The following ZNF608 variants were observed in gnomAD, a reference collection of about 807,000 sequenced individuals.
The protein encoded by ZNF608 is zinc finger protein 608.
A neutral mutation model predicts 109.0 loss-of-function variants in ZNF608; 12 were observed. The observed-to-expected ratio is 0.11, with a 90% CI of 0.07 to 0.18. ZNF608 has a LOEUF of 0.18. ZNF608 is among the 10% of genes least tolerant of loss of function. The pLI is 1.00. For synonymous variants in ZNF608, 732 were observed against 717.4 expected, an observed-to-expected ratio of 1.02 and a Z score of -0.33; for missense variants, 1,707 against 1,879.3, an observed-to-expected ratio of 0.91 and a Z score of 1.70.
intron 2 of ZNF608, among the ~76,000 whole-genome samples, chr5:124,730,181 G>C (rs1341344564): frequency 1.3e-5 from 2 of 152,158 alleles, no homozygotes; most frequent in Non-Finnish European, 2.9e-5. Flanking sequence ...ATGCACAAGT[G>C]ATTTGAAGAG....
intron 8 of ZNF608, among the ~76,000 whole-genome samples, chr5:124,640,242 T>C (rs1750175758): frequency 1.3e-5 from 2 of 152,246 alleles, no homozygotes; most frequent in Admixed American, 1.3e-4. Flanking sequence ...GACTAAATTA[T>C]GTCTCCTCAA....
In ZNF608 at chr5:124,646,887, T is replaced by C. The variant is rs1750533020; in HGVS notation, c.3497A>G (p.His1166Arg). The change falls in exon 5 of 10, where the codon CAT becomes CGT. Residue 1166 changes from histidine (H) to arginine (R), a missense_variant. Transcript: ENST00000513986. ...APSTPEPNKN[H>R]SKLGPSVPNK... is the part of the protein sequence containing the mutation. ...AGGCACTGATGGCCCTAGTTTAGAATGGTTTTTGTTAGGCTCCGGAGTAGA... is the reference window on the plus strand; with the variant it reads ...AGGCACTGATGGCCCTAGTTTAGAACGGTTTTTGTTAGGCTCCGGAGTAGA... 6 of 1,614,078 alleles carry C rather than the reference T, an allele frequency of 3.7e-6. No homozygotes were observed. Among genetic ancestry groups the C allele is most frequent in the Non-Finnish European group, 5.1e-6 (6 of 1,180,036 alleles).
intron 3 of ZNF608, among the ~76,000 whole-genome samples, chr5:124,691,422 A>G (rs1488554690): frequency 1.3e-5 from 2 of 152,200 alleles, no homozygotes; most frequent in Non-Finnish European, 2.9e-5. Context: ...ATGAGACACC[A>G]TCTCATACCT....
chr5:124,689,488 C>G (rs10064644), intron 3 of ZNF608, among the ~76,000 whole-genome samples: 80,788 of 128,084 alleles, frequency 0.63, 22,251 homozygotes, highest in East Asian at 0.75. Flanking sequence ...AAGAGAGAGA[C>G]AGAGAGAGAA....
chr5:124,697,700 G>A (rs1752907558), intron 3 of ZNF608, among the ~76,000 whole-genome samples: 1 of 152,030 alleles, frequency 6.6e-6, no homozygotes, highest in South Asian at 2.1e-4. Flanking sequence ...GTAACACTAG[G>A]GGAAAGACTG....
At chr5:124,707,806 A>G (rs1753321426) in intron 2 of ZNF608, 1 of 152,242 alleles carries the variant, frequency 6.6e-6, no homozygotes, top group Non-Finnish European at 1.5e-5. Flanking sequence ...TTAGGCACTG[A>G]TCTTTTCTCC....
At chr5:124,708,970 A>G (rs3922625) in intron 2 of ZNF608, among the ~76,000 whole-genome samples, 28,909 of 151,898 alleles carry the variant, frequency 0.19, 2,900 homozygotes, top group Admixed American at 0.28. Context: ...TCAGGAGTTC[A>G]AGACCAGCCT....
chr5:124,746,960 G>A (rs1749661388), upstream of ZNF608, among the ~76,000 whole-genome samples: 1 of 146,182 alleles, frequency 6.8e-6, no homozygotes, highest in Non-Finnish European at 1.5e-5. Flanking sequence ...GGGGGGCTTG[G>A]GGCGGTGGGG....
chr5:124,669,309 C>T lies in ZNF608; in HGVS notation c.1163-19612G>A, dbSNP rs181462595. Among the ~76,000 whole-genome samples, 21 of 152,288 alleles carry T rather than the reference C, an allele frequency of 1.4e-4. No individual in the cohort carries two copies. The East Asian group carries it at 3.5e-3, about 25-fold the overall frequency. On this transcript the variant is annotated intron_variant, in intron 3 of 9. Coordinates refer to ENST00000513986, the MANE Select transcript of ZNF608 (RefSeq NM_020747.3). ...TTGCTTCATTTTATCACAAGGCTTA[C>T]ATAGCCACTCTGGCTGAAAGGTGGG...
intron 3 of ZNF608, among the ~76,000 whole-genome samples, chr5:124,689,684 A>C (rs1752538862): frequency 6.6e-6 from 1 of 152,226 alleles, no homozygotes. Context: ...TTCACATTAA[A>C]ACAATGAGAT....
chr5:124,693,201 T>G (rs1286597097), intron 3 of ZNF608, among the ~76,000 whole-genome samples: 1 of 152,222 alleles, frequency 6.6e-6, no homozygotes, highest in Non-Finnish European at 1.5e-5. Flanking sequence ...ATTTTTTAAA[T>G]GTCAGTGGAA....
chr5:124,689,234 T>C (rs1282591479), intron 3 of ZNF608, among the ~76,000 whole-genome samples: 1 of 152,154 alleles, frequency 6.6e-6, no homozygotes, highest in East Asian at 1.9e-4. Context: ...CTTGATATGA[T>C]TGTACTACTG....
intron 2 of ZNF608, among the ~76,000 whole-genome samples, chr5:124,728,140 A>G (rs1748702894): frequency 6.6e-6 from 1 of 152,194 alleles, no homozygotes; most frequent in Non-Finnish European, 1.5e-5. Context: ...TTAAGACACC[A>G]GGAAAGCTCT....
chr5:124,692,900 C>A (rs576061890), intron 3 of ZNF608, among the ~76,000 whole-genome samples: 2 of 152,198 alleles, frequency 1.3e-5, no homozygotes, highest in Non-Finnish European at 2.9e-5. Flanking sequence ...AAGTACTCAA[C>A]AAGCTAGTCC....
At chr5:124,739,088 C>T (rs1325860431) in intron 2 of ZNF608, among the ~76,000 whole-genome samples, 1 of 152,164 alleles carries the variant, frequency 6.6e-6, no homozygotes, top group Non-Finnish European at 1.5e-5. Context: ...CCTTTCTCGA[C>T]TCTTTTGTCA....
intron 2 of ZNF608, among the ~76,000 whole-genome samples, chr5:124,709,593 T>C (rs1230691733): frequency 1.3e-5 from 2 of 152,352 alleles, no homozygotes; most frequent in African/African-American, 4.8e-5. Flanking sequence ...AGTTGTCACA[T>C]ACTTAGCCTC....
chr5:124,701,406 T>C (rs1270711471), intron 2 of ZNF608, 137 bp from the exon 3 acceptor site: 2 of 1,145,126 alleles, frequency 1.7e-6, no homozygotes, highest in African/African-American at 1.5e-5. Context: ...AGTGTTTTAA[T>C]GGTGCCAAAA....
chr5:124,646,663 C>A lies in ZNF608; in HGVS notation c.3705+16G>T. 1 of 1,600,258 alleles carries A rather than the reference C, an allele frequency of 6.2e-7. No individual in the cohort carries two copies. The highest frequency in any genetic ancestry group is 8.5e-7 in the Non-Finnish European group (1 of 1,170,582). Reference sequence around the variant, plus strand: ...GACTGCTCTCTCCCTGTTGGGGCCACGCTCCACAATCTTACTTGTTTAAAT... The same window carrying A: ...GACTGCTCTCTCCCTGTTGGGGCCAAGCTCCACAATCTTACTTGTTTAAAT... On this transcript the variant is annotated intron_variant, in intron 5 of 9. Transcript: ENST00000513986.
intron 3 of ZNF608, among the ~76,000 whole-genome samples, chr5:124,683,042 C>G (rs1038478026): frequency 6.6e-6 from 1 of 152,164 alleles, no homozygotes; most frequent in African/African-American, 2.4e-5. Flanking sequence ...CTCTCTCCCC[C>G]TCTCTATCTG....
Sources: allele counts gnomAD v4.1 joint callset (sites outside exome capture counted in the v4.1 genomes callset), GRCh38; gene constraint gnomAD v4.1.1; transcripts MANE v1.5; gene names NCBI Gene and HGNC (gene_info 2026-07-23, HGNC 2026-07-21).